Variants in ZNF584 observed in about 807,000 individuals in gnomAD.
ZNF584 encodes zinc finger protein 584.
ZNF584 carries 12 observed loss-of-function variants against 14.7 expected under a neutral mutation model. The ratio of observed to expected loss-of-function variants is 0.82; its 90% CI spans 0.52 to 1.32. ZNF584 has a LOEUF of 1.32. ZNF584 is among the 40% of genes most tolerant of loss of function. The pLI, the probability that ZNF584 is intolerant of heterozygous loss-of-function variation, is 0.00. For synonymous variants in ZNF584, 204 were observed against 190.9 expected, an observed-to-expected ratio of 1.07 and a Z score of -0.57; for missense variants, 478 against 518.8, an observed-to-expected ratio of 0.92 and a Z score of 0.76.
intron 1 of ZNF584, 23 bp downstream of exon 1, chr19:58,409,188 G>A: frequency 7.1e-7 from 1 of 1,415,926 alleles, no homozygotes; most frequent in Non-Finnish European, 9.3e-7. Flanking sequence ...TGCCTCCGAG[G>A]AATGAGGGGG....
intron 2 of ZNF584, 21 bp downstream of exon 2, chr19:58,410,112 C>G (rs1315141614): frequency 6.3e-7 from 1 of 1,582,400 alleles, no homozygotes; most frequent in Non-Finnish European, 8.6e-7. Context: ...TACACTGTCC[C>G]CCAGCACACT....
At position 58,417,202 on chromosome 19, in the gene ZNF584, G is replaced by C. The variant is rs780229005; in HGVS notation, c.684G>C (p.Lys228Asn). The C allele has an allele frequency of 9.3e-6, 15 of 1,613,870 alleles. No homozygotes were observed. The highest frequency in any genetic ancestry group is 1.3e-5 in the Non-Finnish European group (15 of 1,179,970). Residue 228 changes from lysine to asparagine, a missense_variant, in exon 4 of 4, where the codon AAG (lysine) becomes AAC (asparagine). Lys to Asn is a moderately conservative substitution (Grantham distance 94). Coordinates refer to ENST00000306910, the MANE Select transcript of ZNF584 (RefSeq NM_173548.3). ...GGAAGGCCTTCAGTTACCCGTCTAA[G>C]CTGAGGAAACACCAGAAGGTTCACA... ...ECGKAFSYPSKLRKHQKVHTG... is the reference protein window; with the variant it reads ...ECGKAFSYPSNLRKHQKVHTG...
At chr19:58,402,616 A>T (rs764400370) in intron 1 of ZNF584, among the ~76,000 whole-genome samples, 1 of 152,102 alleles carries the variant, frequency 6.6e-6, no homozygotes, top group African/African-American at 2.4e-5. Context: ...TGAGGTCAGG[A>T]GTTCGAGACC....
chr19:58,412,359 G>A (rs2052587364), intron 2 of ZNF584, among the ~76,000 whole-genome samples: 1 of 151,546 alleles, frequency 6.6e-6, no homozygotes, highest in South Asian at 2.1e-4. Flanking sequence ...ACAGGCGCCC[G>A]CCACCGCGCC....
Position 58,417,678 on chromosome 19 carries a change from G to T in ZNF584, c.1160G>T (p.Cys387Phe). ...TEERSYECTE[C>F]GKAFKHSSTL... ...GAGAGGTCTTATGAATGTACAGAGT[G>T]TGGGAAGGCCTTCAAACATAGTTCC... is the stretch of plus-strand genomic sequence containing the variant. Residue 387 changes from cysteine (C) to phenylalanine (F), a missense_variant, in exon 4 of 4, where the codon TGT (cysteine) becomes TTT (phenylalanine). Around this residue, in one of 3 missense-constraint regions of ZNF584, gnomAD observed 283 missense variants for 317.3 expected, o/e 0.89. Transcript: ENST00000306910. 1.2e-6 allele frequency: 2 copies of T among 1,614,038 alleles called. No homozygotes were observed. Among genetic ancestry groups the T allele is most frequent in the South Asian group, 2.2e-5 (2 of 91,074 alleles).
chr19:58,417,076 C>T lies in ZNF584; in HGVS notation c.558C>T (p.Pro186=). Residue 186 remains proline, a synonymous_variant, in exon 4 of 4, where the codon CCC becomes CCT. Transcript: ENST00000306910. The stretch of plus-strand genomic sequence containing the variant: ...TGATAACGCATTCTGAAGAGAGACC[C>T]TTCAGATGCCCAACAGGCAGAAGTG... The part of the protein sequence containing the change: ...DHLITHSEER[P]FRCPTGRSAF... 9 of 1,613,904 alleles carry T rather than the reference C, an allele frequency of 5.6e-6. No individual in the cohort carries two copies. The highest frequency in any genetic ancestry group is 7.6e-6 in the Non-Finnish European group (9 of 1,179,842).
chr19:58,408,330 G>C (rs1001109400), upstream of ZNF584: 1 of 152,280 alleles, frequency 6.6e-6, no homozygotes. Flanking sequence ...GAGGTCACCG[G>C]GGTTCAGCAA....
At chr19:58,401,974 C>T (rs1228720595) in intron 1 of ZNF584, among the ~76,000 whole-genome samples, 1 of 145,610 alleles carries the variant, frequency 6.9e-6, no homozygotes, top group African/African-American at 2.6e-5. Flanking sequence ...GAGGCTGAGG[C>T]AGGAGAATCG....
At chr19:58,407,946 G>A (rs562657895), upstream of ZNF584, among the ~76,000 whole-genome samples, 31 of 152,280 alleles carry the variant, frequency 2.0e-4, no homozygotes, top group African/African-American at 7.0e-4. Context: ...CAAGCCTACC[G>A]TGCCTCAGCC....
Position 58,415,608 on chromosome 19 carries a change from C to T in ZNF584, c.254C>T (p.Pro85Leu), listed in dbSNP as rs751653781. The T allele has an allele frequency of 7.4e-6, 12 of 1,613,984 alleles. No individual in the cohort carries two copies. Among genetic ancestry groups the T allele is most frequent in the Admixed American group, 1.7e-5 (1 of 60,002 alleles). Residue 85 changes from proline to leucine, a missense_variant, in exon 3 of 4, where the codon CCA becomes CTA. Pro to Leu is a moderately conservative substitution (Grantham distance 98). Coordinates refer to ENST00000306910, the MANE Select transcript of ZNF584 (RefSeq NM_173548.3). ...SWVPSWVDVTPVSRAEARRGF... is the reference protein window; with the variant it reads ...SWVPSWVDVTLVSRAEARRGF... ...GTGCCCAGCTGGGTGGATGTGACTCCAGTCAGCAGAGCAGAAGCCAGGAGA... is the reference window on the plus strand; with the variant it reads ...GTGCCCAGCTGGGTGGATGTGACTCTAGTCAGCAGAGCAGAAGCCAGGAGA...
At chr19:58,404,080 G>C (rs1305221832), upstream of ZNF584, among the ~76,000 whole-genome samples, 1 of 152,088 alleles carries the variant, frequency 6.6e-6, no homozygotes, top group African/African-American at 2.4e-5. Flanking sequence ...ACTTTGGTCT[G>C]AGACTTCCTG....
intron 2 of ZNF584, among the ~76,000 whole-genome samples, chr19:58,411,960 C>A (rs1315729295): frequency 1.4e-5 from 2 of 143,572 alleles, no homozygotes; most frequent in Non-Finnish European, 3.0e-5. Context: ...AATTCCCTGT[C>A]ATGGCTTATA....
At chr19:58,410,147 C>T (rs1242078485) in intron 2 of ZNF584, 56 bp downstream of exon 2, 1 of 1,545,994 alleles carries the variant, frequency 6.5e-7, no homozygotes, top group Non-Finnish European at 8.7e-7. Flanking sequence ...TTTCCCCATG[C>T]GAAGTTCTGT....
In ZNF584 at chr19:58,416,841, C is replaced by G. The variant is rs772266811; in HGVS notation, c.323C>G (p.Ala108Gly). The change falls in exon 4 of 4, where the codon GCC becomes GGC. Residue 108 changes from alanine to glycine, a missense_variant. This residue lies in a region of ZNF584 where 189 missense variants were observed against 177.9 expected (regional missense o/e 1.06). Coordinates refer to ENST00000306910, the MANE Select transcript of ZNF584 (RefSeq NM_173548.3). ...DGLCRVEDER[A>G]HPEHLKSYRV... is the part of the protein sequence containing the mutation. ...TTGTGTAGAGTGGAGGATGAGAGAG[C>G]CCATCCTGAGCATCTAAAGAGCTAC... 8.3e-6 allele frequency: 13 copies of G among 1,568,252 alleles called. No homozygotes were observed. The highest frequency in any genetic ancestry group is 1.1e-5 in the Non-Finnish European group (13 of 1,158,872).
intron 3 of ZNF584, chr19:58,416,546 G>A (rs2052644916): frequency 3.4e-6 from 1 of 297,232 alleles, no homozygotes; most frequent in Admixed American, 4.6e-5. Context: ...GGGATTACAG[G>A]CATGCATCAC....
rs2052502965 is a variant in ZNF584 at position 58,408,909 on chromosome 19, C to G, written c.-239C>G. ...CCTTCCACGCGCCGTGCCCCACCGG[C>G]GAGTGGCTCCATCTTCCTCAGACTT... On this transcript the variant is annotated 5_prime_UTR_variant, in exon 1 of 4. Coordinates refer to ENST00000306910, the MANE Select transcript of ZNF584 (RefSeq NM_173548.3). 9.4e-6 allele frequency: 4 copies of G among 425,000 alleles called. No individual in the cohort carries two copies. Among genetic ancestry groups the G allele is most frequent in the South Asian group, 6.2e-5 (1 of 16,090 alleles). The allele number at this position is 425,000 out of a possible 1,614,324, so 26.3% of individuals were successfully genotyped here.
At chr19:58,413,668 ATT>A (rs67455131) in intron 2 of ZNF584, among the ~76,000 whole-genome samples, 10 of 134,152 alleles carry the variant, frequency 7.5e-5, no homozygotes, top group Admixed American at 2.3e-4. Flanking sequence ...TAATTTTTGT[ATT>A]TTTTTTTTTT....
upstream of ZNF584, among the ~76,000 whole-genome samples, chr19:58,407,583 A>G (rs1293040830): frequency 6.6e-6 from 1 of 152,200 alleles, no homozygotes; most frequent in Non-Finnish European, 1.5e-5. Flanking sequence ...GCGACTTCCA[A>G]GGGGAACATG....
At chr19:58,403,861 C>T (rs116833599), upstream of ZNF584, among the ~76,000 whole-genome samples, 888 of 148,758 alleles carry the variant, frequency 6.0e-3, 7 homozygotes, top group African/African-American at 0.021. Flanking sequence ...CCCAGCTATT[C>T]GTGAGGCTGA....
Sources: allele counts gnomAD v4.1 joint callset (sites outside exome capture counted in the v4.1 genomes callset), GRCh38; gene constraint gnomAD v4.1.1; regional missense constraint gnomAD v4.1.1; transcripts MANE v1.5; gene names NCBI Gene and HGNC (gene_info 2026-07-23, HGNC 2026-07-21).